Variants in ZNF790 observed in about 807,000 individuals in gnomAD.
ZNF790 encodes zinc finger protein 790.
In ZNF790, 8 loss-of-function variants were observed where a neutral mutation model predicts 12.1. The ratio of observed to expected loss-of-function variants is 0.66; its 90% CI spans 0.39 to 1.19. The LOEUF (loss-of-function observed/expected upper bound fraction) is 1.19, where lower values mean the gene tolerates loss of function less well. Among genes scored for constraint, ZNF790 ranks in the 50% most tolerant of loss-of-function variants. ZNF790 has a pLI of 0.01. For synonymous variants in ZNF790, 252 were observed against 244.3 expected (o/e 1.03, Z -0.29); for missense variants, 707 against 752.2 (o/e 0.94, Z 0.70).
chr19:36,825,727 C>G (rs2071782953), intron 1 of ZNF790, 35 bp from the exon 2 acceptor site: 1 of 1,250,240 alleles, frequency 8.0e-7, no homozygotes, highest in African/African-American at 1.5e-5. Flanking sequence ...AGGCCTTTCT[C>G]AGAGCTCTCA....
rs990538184 is a variant in ZNF790, at chr19:36,819,103, C to T, written c.1241G>A (p.Arg414Gln). ...ATAAGGTTTCCTGCCAGTATGAATT[C>T]GCTGATGTCGAGCAAGGTGTGAGCT... ...IWSSHLARHQ[R>Q]IHTGRKPYEC... Residue 414 changes from arginine to glutamine, a missense_variant, in exon 5 of 5, where the codon CGA becomes CAA. Physicochemically the swap from Arg to Gln is conservative, Grantham distance 43. Coordinates refer to ENST00000356725, the MANE Select transcript of ZNF790 (RefSeq NM_206894.4). The T allele has an allele frequency of 1.7e-5, 28 of 1,613,362 alleles. No homozygotes were observed. Among genetic ancestry groups the T allele is most frequent in the Non-Finnish European group, 2.3e-5 (27 of 1,179,680 alleles).
rs1485918632 is a variant in ZNF790, at chr19:36,818,730, T to C, written c.1614A>G (p.Glu538=). The C allele has an allele frequency of 3.1e-6, 5 of 1,613,202 alleles. No individual in the cohort carries two copies. Among genetic ancestry groups the C allele is most frequent in the Non-Finnish European group, 4.2e-6 (5 of 1,179,732 alleles). Residue 538 remains glutamate (E), a synonymous_variant, in exon 5 of 5, where the codon GAA becomes GAG. Coordinates refer to ENST00000356725, the MANE Select transcript of ZNF790 (RefSeq NM_206894.4). The part of the protein sequence containing the change: ...HTGEEPYVCK[E]CGKSFIWGSQ... ...AACCCCAGATAAAAGATTTCCCACA[T>C]TCTTTACATACGTAAGGTTCCTCAC...
intron 1 of ZNF790, among the ~76,000 whole-genome samples, chr19:36,828,352 A>G (rs539367812): frequency 2.0e-5 from 3 of 151,992 alleles, no homozygotes; most frequent in East Asian, 1.9e-4. Flanking sequence ...AATCCCAGCT[A>G]CTCAGGAGGC....
intron 1 of ZNF790, among the ~76,000 whole-genome samples, chr19:36,846,052 G>A (rs1186114345): frequency 6.6e-6 from 1 of 151,858 alleles, no homozygotes; most frequent in African/African-American, 2.4e-5. Context: ...CAGGTGATAC[G>A]CCCATCTTGG....
In ZNF790 at chr19:36,819,677, T is replaced by C; in HGVS notation, c.667A>G (p.Lys223Glu). The change falls in exon 5 of 5, where the codon AAG (lysine) becomes GAG (glutamate). Residue 223 changes from lysine to glutamate, a missense_variant. Physicochemically the swap from Lys to Glu is moderately conservative, Grantham distance 56. Transcript: ENST00000356725. ...VIQYQTVHTV[K>E]KTYECKECGK... ...CATTCTTTACATTCATATGTTTTCT[T>C]AACAGTGTGAACTGTCTGATATTGA... is the stretch of plus-strand genomic sequence containing the variant. The C allele has an allele frequency of 6.2e-7, 1 of 1,611,866 alleles. No individual in the cohort carries two copies. The highest frequency in any genetic ancestry group is 8.5e-7 in the Non-Finnish European group (1 of 1,178,860).
intron 4 of ZNF790, 68 bp from the exon 5 acceptor site, chr19:36,820,182 G>T: frequency 1.4e-6 from 2 of 1,466,878 alleles, no homozygotes; most frequent in Non-Finnish European, 1.8e-6. Context: ...TTCTAAAATA[G>T]ATATAGAAAA....
At chr19:36,836,298 A>C (rs1362163931) in intron 1 of ZNF790, among the ~76,000 whole-genome samples, 1 of 152,110 alleles carries the variant, frequency 6.6e-6, no homozygotes, top group African/African-American at 2.4e-5. Context: ...GTTTAGTCTA[A>C]GATGAAAGTT....
intron 1 of ZNF790, among the ~76,000 whole-genome samples, chr19:36,836,676 T>A (rs998032200): frequency 3.3e-5 from 5 of 152,106 alleles, no homozygotes; most frequent in Non-Finnish European, 5.9e-5. Context: ...AGAATCCACT[T>A]GAACCTGGGA....
At chr19:36,827,054 G>GATATATATATATATATATATATAT (rs1284506059) in intron 1 of ZNF790, among the ~76,000 whole-genome samples, 11 of 140,790 alleles carry the variant, frequency 7.8e-5, no homozygotes, top group Non-Finnish European at 1.5e-5. Flanking sequence ...TACATACATA[G>GATATATATATATATATATATATAT]ATATATATGT....
intron 4 of ZNF790, 68 bp downstream of exon 4, chr19:36,823,217 G>T: frequency 1.4e-6 from 2 of 1,387,458 alleles, no homozygotes; most frequent in Non-Finnish European, 2.0e-6. Context: ...AGGTGTTGCT[G>T]CCTCACTGTG....
rs2071595914 is a variant in ZNF790, at chr19:36,818,712, G to C, written c.1632C>G (p.Ile544Met). 2.5e-6 allele frequency: 4 copies of C among 1,613,346 alleles called. No individual in the cohort carries two copies. The African/African-American group carries it at 5.3e-5, about 22-fold the overall frequency. The change falls in exon 5 of 5, where the codon ATC becomes ATG. Residue 544 changes from isoleucine to methionine, a missense_variant. Coordinates refer to ENST00000356725, the MANE Select transcript of ZNF790 (RefSeq NM_206894.4). ...TATGTCGTGTAAGCTGTGAACCCCA[G>C]ATAAAAGATTTCCCACATTCTTTAC... ...YVCKECGKSFIWGSQLTRHKK... is the reference protein window; with the variant it reads ...YVCKECGKSFMWGSQLTRHKK...
intron 1 of ZNF790, among the ~76,000 whole-genome samples, chr19:36,836,626 A>G (rs748597123): frequency 1.3e-3 from 202 of 152,136 alleles, no homozygotes; most frequent in Non-Finnish European, 6.0e-4. Flanking sequence ...GCGTGGTGGC[A>G]CGCACCTGTA....
At chr19:36,849,707 A>G (rs2072223681) in intron 1 of ZNF790, among the ~76,000 whole-genome samples, 1 of 152,074 alleles carries the variant, frequency 6.6e-6, no homozygotes, top group African/African-American at 2.4e-5. Flanking sequence ...TTGGAGGTTC[A>G]GATTCCTCCA....
chr19:36,823,210 T>C lies in ZNF790; in HGVS notation c.229+75A>G, dbSNP rs769234805. Reference sequence around the variant, plus strand: ...ATATTCCAGACCAATATTTCAGAGGTGTTGCTGCCTCACTGTGCAGCTGAG... The same window carrying C: ...ATATTCCAGACCAATATTTCAGAGGCGTTGCTGCCTCACTGTGCAGCTGAG... On this transcript the variant is annotated intron_variant, in intron 4 of 4. Coordinates refer to ENST00000356725, the MANE Select transcript of ZNF790 (RefSeq NM_206894.4). The C allele has an allele frequency of 5.6e-5, 73 of 1,311,136 alleles. 1 individual carries two copies. Among genetic ancestry groups the C allele is most frequent in the Non-Finnish European group, 7.7e-5 (70 of 914,504 alleles). 81.2% of individuals were successfully genotyped at this position (1,311,136 alleles called of 1,614,324 possible). A position where few individuals can be genotyped will look rare whatever the true frequency, so the allele number is the denominator to read the frequency against.
chr19:36,839,074 T>C (rs2072105123), upstream of ZNF790, among the ~76,000 whole-genome samples: 1 of 152,244 alleles, frequency 6.6e-6, no homozygotes, highest in Non-Finnish European at 1.5e-5. Context: ...GTGTTTGGTT[T>C]CAATTAATGT....
rs2071719715 is a variant in ZNF790 at position 36,823,397 on chromosome 19, A to G, written c.134-17T>C. 6.2e-7 allele frequency: 1 copy of G among 1,610,388 alleles called. No individual in the cohort carries two copies. On this transcript the variant is annotated splice_polypyrimidine_tract_variant and intron_variant, in intron 3 of 4. Transcript: ENST00000356725. ...TGCAAAAACCTGCCCAGAAGATGAG[A>G]AACAGCAAAGAACCACATTGTAAAG... is the stretch of plus-strand genomic sequence containing the variant.
At chr19:36,831,475 G>A (rs1394788027) in intron 1 of ZNF790, among the ~76,000 whole-genome samples, 2 of 152,052 alleles carry the variant, frequency 1.3e-5, no homozygotes, top group Non-Finnish European at 2.9e-5. Context: ...CCAGCTACTT[G>A]GGAGACTGAG....
exon 1 of ZNF790, chr19:36,850,132 GC>G (rs1006571102): frequency 2.8e-4 from 42 of 152,400 alleles, no homozygotes; most frequent in African/African-American, 1.0e-3. Context: ...CGCCTCAAGA[GC>G]GTCTGCGTGC....
chr19:36,819,326 A>G lies in ZNF790; in HGVS notation c.1018T>C (p.Cys340Arg). Residue 340 changes from cysteine to arginine, a missense_variant, in exon 5 of 5, where the codon TGT becomes CGT. Transcript: ENST00000356725. ...RIHTGEKPYE[C>R]KECGKAFTRG... ...GTAAAAGCTTTCCCACACTCCTTAC[A>G]TTCATAAGGTTTTTCACCAGTGTGA... is the stretch of plus-strand genomic sequence containing the variant. 1 of 1,611,880 alleles carries G rather than the reference A, an allele frequency of 6.2e-7. No homozygotes were observed.
Sources: gnomAD v4.1 joint callset for allele counts (sites outside exome capture counted in the v4.1 genomes callset) on GRCh38, gnomAD v4.1.1 for gene constraint, MANE v1.5 for transcripts, NCBI Gene and HGNC (gene_info 2026-07-23, HGNC 2026-07-21) for gene names.